The following CDH18 variants were observed in gnomAD, a reference collection of about 807,000 sequenced individuals.
The protein encoded by CDH18 is cadherin 18, also known as cadherin-18.
A neutral mutation model predicts 67.9 loss-of-function variants in CDH18; 31 were observed. The observed-to-expected ratio is 0.46, with a 90% confidence interval of 0.34 to 0.62. The LOEUF (loss-of-function observed/expected upper bound fraction) is 0.62, where lower values mean the gene tolerates loss of function less well. Among genes scored for constraint, CDH18 ranks in the 20% least tolerant of loss-of-function variants. CDH18 has a pLI of 0.01. For synonymous variants in CDH18, 362 were observed against 347.2 expected, an observed-to-expected ratio of 1.04 and a Z score of -0.48; for missense variants, 890 against 975.5, an observed-to-expected ratio of 0.91 and a Z score of 1.17.
chr5:19,779,904 C>A (rs1024326451), intron 3 of CDH18, among the ~76,000 whole-genome samples: 2 of 152,052 alleles, frequency 1.3e-5, no homozygotes, highest in African/African-American at 2.4e-5. Flanking sequence ...CATAGACTAA[C>A]AAGTTTAGTC....
chr5:19,490,216 T>C, intron 11 of CDH18, among the ~76,000 whole-genome samples: 1 of 151,934 alleles, frequency 6.6e-6, no homozygotes. Flanking sequence ...ATAGTTTTTC[T>C]TCACCTGCAT....
intron 3 of CDH18, among the ~76,000 whole-genome samples, chr5:19,824,424 G>T (rs984316578): frequency 6.6e-6 from 1 of 152,174 alleles, no homozygotes; most frequent in Non-Finnish European, 1.5e-5. Context: ...GCTCCTAGGG[G>T]ATTCATGTTC....
intron 2 of CDH18, among the ~76,000 whole-genome samples, chr5:20,109,639 G>T (rs1747281860): frequency 6.6e-6 from 1 of 152,152 alleles, no homozygotes; most frequent in Non-Finnish European, 1.5e-5. Context: ...TATGGTTTTT[G>T]AAGTATGGAA....
At chr5:20,414,796 T>C (rs1327682325) in intron 1 of CDH18, among the ~76,000 whole-genome samples, 1 of 152,112 alleles carries the variant, frequency 6.6e-6, no homozygotes, top group African/African-American at 2.4e-5. Flanking sequence ...TGAGAATGGC[T>C]ATCATCAAAA....
intron 3 of CDH18, among the ~76,000 whole-genome samples, chr5:19,796,633 A>G (rs1776887169): frequency 6.6e-6 from 1 of 152,152 alleles, no homozygotes; most frequent in Non-Finnish European, 1.5e-5. Context: ...AACTGAAGCA[A>G]CAAGGGGAAG....
Position 20,013,612 on chromosome 5 carries a change from CA to C in CDH18, c.-517-21599del, listed in dbSNP as rs377725781. Among the ~76,000 whole-genome samples the C allele has an allele frequency of 5.0e-4, 76 of 151,830 alleles. 1 individual carries two copies. In the South Asian group the frequency reaches 9.8e-3, roughly 19 times the overall value. On this transcript the variant is annotated intron_variant, in intron 2 of 14. Coordinates refer to the CDH18 transcript ENST00000507958. ...ATGAATTTTATTTATAGGTATCCAT[CA>C]AAAAAATAGTTAAGTCTTCTAATTC...
chr5:19,581,740 C>G (rs1743287319), intron 7 of CDH18, among the ~76,000 whole-genome samples: 1 of 151,872 alleles, frequency 6.6e-6, no homozygotes, highest in Non-Finnish European at 1.5e-5. Context: ...TGGCCTAGAC[C>G]AGGAATAGTG....
intron 2 of CDH18, among the ~76,000 whole-genome samples, chr5:20,195,290 T>C (rs906948361): frequency 1.3e-5 from 2 of 152,064 alleles, no homozygotes; most frequent in Non-Finnish European, 2.9e-5. Flanking sequence ...CATAAATTTA[T>C]GTGCTATTTT....
In CDH18 at chr5:20,480,273, T is replaced by C. The variant is rs1171268198; in HGVS notation, c.-580+95189A>G. 2.0e-5 allele frequency among the ~76,000 whole-genome samples: 3 copies of C among 152,308 alleles called. No homozygotes were observed. The East Asian group carries it at 5.8e-4, about 29-fold the overall frequency. On this transcript the variant is annotated intron_variant, in intron 1 of 14. Coordinates refer to the CDH18 transcript ENST00000507958. ...ACTGAAAATGTGGTATGTAAATTAC[T>C]GATAACTTGAGTAGAAAGATTAAAA... is the stretch of plus-strand genomic sequence containing the variant.
intron 11 of CDH18, among the ~76,000 whole-genome samples, chr5:19,486,101 G>A (rs1431178445): frequency 6.6e-6 from 1 of 151,936 alleles, no homozygotes; most frequent in Non-Finnish European, 1.5e-5. Context: ...TGAAAAGAAA[G>A]GATGATTCAG....
At chr5:20,345,942 A>G (rs1047549043) in intron 1 of CDH18, among the ~76,000 whole-genome samples, 3 of 152,204 alleles carry the variant, frequency 2.0e-5, no homozygotes, top group African/African-American at 7.2e-5. Context: ...AAAGAATTTC[A>G]CTTTACTGTC....
At chr5:19,499,109 A>G (rs760317853) in intron 11 of CDH18, among the ~76,000 whole-genome samples, 3 of 152,188 alleles carry the variant, frequency 2.0e-5, no homozygotes, top group Non-Finnish European at 2.9e-5. Context: ...ATGAGCTCCA[A>G]TTTTGTGCCT....
chr5:19,962,378 C>CAAAAAAAAAAAAAAAAAAAAAAAAAAAA (rs3065078), intron 2 of CDH18, among the ~76,000 whole-genome samples: 1 of 51,594 alleles, frequency 1.9e-5, no homozygotes, highest in Non-Finnish European at 3.3e-5. Flanking sequence ...CGTCAAAAAG[C>CAAAAAAAAAAAAAAAAAAAAAAAAAAAA]AAAAAAAAAA....
At chr5:19,778,164 C>G (rs1214886402) in intron 3 of CDH18, among the ~76,000 whole-genome samples, 2 of 152,140 alleles carry the variant, frequency 1.3e-5, no homozygotes, top group African/African-American at 2.4e-5. Context: ...GTTACAAAAA[C>G]TACAAAGTAG....
At chr5:20,331,171 C>T (rs1454153706) in intron 1 of CDH18, among the ~76,000 whole-genome samples, 1 of 152,186 alleles carries the variant, frequency 6.6e-6, no homozygotes, top group East Asian at 1.9e-4. Flanking sequence ...TAACCTCTGT[C>T]TACCCTTTGG....
intron 7 of CDH18, among the ~76,000 whole-genome samples, chr5:19,583,497 C>T (rs114269206): frequency 6.4e-4 from 98 of 152,136 alleles, no homozygotes; most frequent in African/African-American, 2.1e-3. Context: ...AATATACACA[C>T]GGTATTTCAT....
At chr5:20,311,525 C>G (rs1410891211) in intron 1 of CDH18, among the ~76,000 whole-genome samples, 1 of 152,162 alleles carries the variant, frequency 6.6e-6, no homozygotes, top group African/African-American at 2.4e-5. Flanking sequence ...AACCGTCCTT[C>G]TCAGCAAACT....
At chr5:20,248,505 G>A (rs565490944) in intron 2 of CDH18, among the ~76,000 whole-genome samples, 1 of 152,320 alleles carries the variant, frequency 6.6e-6, no homozygotes, top group East Asian at 1.9e-4. Flanking sequence ...AGCAGCAGAA[G>A]TAATTGAGGG....
intron 1 of CDH18, among the ~76,000 whole-genome samples, chr5:20,312,998 A>G (rs1737132952): frequency 6.6e-6 from 1 of 152,130 alleles, no homozygotes; most frequent in Non-Finnish European, 1.5e-5. Flanking sequence ...TGCTTAAAAC[A>G]ATGGTTGAGA....
Sources: gnomAD v4.1 joint callset for allele counts (sites outside exome capture counted in the v4.1 genomes callset) on GRCh38, gnomAD v4.1.1 for gene constraint, MANE v1.5 for transcripts, NCBI Gene and HGNC (gene_info 2026-07-23, HGNC 2026-07-21) for gene names.